The following JAM2 variants were observed in gnomAD, a reference collection of about 807,000 sequenced individuals.
JAM2 encodes junctional adhesion molecule B.
Under a neutral mutation model 42.0 loss-of-function variants are expected in JAM2, and 17 were observed. The observed-to-expected ratio is 0.40, with a 90% CI of 0.28 to 0.61. JAM2 has a LOEUF of 0.61. JAM2 is among the 20% of genes least tolerant of loss of function. JAM2 has a pLI of 0.37. For synonymous variants in JAM2, 118 were observed against 128.6 expected (o/e 0.92, Z 0.56); for missense variants, 319 against 358.3 (o/e 0.89, Z 0.89).
chr21:25,655,350 ATTTTT>A (rs751257378), intron 1 of JAM2, among the ~76,000 whole-genome samples: 5 of 100,202 alleles, frequency 5.0e-5, no homozygotes, highest in South Asian at 3.5e-4. Context: ...CTGAAATTCT[ATTTTT>A]TTTTTTTTTT....
chr21:25,667,128 G>A (rs893208291), intron 1 of JAM2, among the ~76,000 whole-genome samples: 3 of 152,138 alleles, frequency 2.0e-5, no homozygotes, highest in Non-Finnish European at 2.9e-5. Flanking sequence ...AACCACAGTC[G>A]AAAAATACTA....
chr21:25,687,362 T>C (rs1336373607), intron 2 of JAM2, among the ~76,000 whole-genome samples: 1 of 152,212 alleles, frequency 6.6e-6, no homozygotes, highest in Admixed American at 6.5e-5. Flanking sequence ...TCTCCCAATA[T>C]CACATACGGA....
chr21:25,640,014 ACCTTGCG>A, intron 1 of JAM2, 126 bp downstream of exon 1: 2 of 601,682 alleles, frequency 3.3e-6, no homozygotes, highest in Non-Finnish European at 5.4e-6. Flanking sequence ...GGGGCGTCTG[ACCTTGCG>A]CCCAGGCGAG....
intron 1 of JAM2, among the ~76,000 whole-genome samples, chr21:25,661,181 G>A (rs914544259): frequency 2.0e-5 from 3 of 152,122 alleles, no homozygotes; most frequent in East Asian, 1.9e-4. Context: ...CACCAGGCAT[G>A]GTGGCTAATG....
chr21:25,656,236 T>G (rs2032936285), intron 1 of JAM2, among the ~76,000 whole-genome samples: 1 of 152,228 alleles, frequency 6.6e-6, no homozygotes. Context: ...TGTCTTGCAT[T>G]TGTTTAGTGG....
rs60008405 is a variant in JAM2, at chr21:25,680,768, CTGGATGGA to C, written c.68-3096_68-3089del. ...GGTAGTTTAGTCAGAAAAGCAGTTT[CTGGATGGA>C]TGGATGGATGGATGGATGACGATCG... On this transcript the variant is annotated intron_variant, in intron 1 of 9. Coordinates refer to ENST00000480456, the MANE Select transcript of JAM2 (RefSeq NM_021219.4). 5.5e-4 allele frequency among the ~76,000 whole-genome samples: 84 copies of C among 151,824 alleles called. 1 individual carries two copies. In the South Asian group the frequency reaches 0.014, roughly 26 times the overall value.
intron 1 of JAM2, among the ~76,000 whole-genome samples, chr21:25,683,462 T>A (rs2033682548): frequency 6.6e-6 from 1 of 152,214 alleles, no homozygotes; most frequent in African/African-American, 2.4e-5. Flanking sequence ...CTATATGACA[T>A]GGGTATTGTC....
intron 1 of JAM2, among the ~76,000 whole-genome samples, chr21:25,641,471 A>C (rs1185903371): frequency 6.6e-6 from 1 of 152,128 alleles, no homozygotes; most frequent in Non-Finnish European, 1.5e-5. Flanking sequence ...AATATAACAC[A>C]TTGTCTCTGC....
At chr21:25,660,778 ATATATTTTTTTTTTT>A (rs1343282031) in intron 1 of JAM2, among the ~76,000 whole-genome samples, 1 of 60,282 alleles carries the variant, frequency 1.7e-5, no homozygotes, top group African/African-American at 9.6e-5. Context: ...ATATATATAT[ATATATTTTTTTTTTT>A]TTTTTTTTTT....
intron 7 of JAM2, among the ~76,000 whole-genome samples, chr21:25,708,826 T>C (rs1601067241): frequency 6.6e-6 from 1 of 152,306 alleles, no homozygotes; most frequent in Middle Eastern, 3.4e-3. Context: ...AAAAGTTGAC[T>C]TGAATATTAG....
At chr21:25,645,830 A>T (rs1442956363) in intron 1 of JAM2, among the ~76,000 whole-genome samples, 2 of 152,230 alleles carry the variant, frequency 1.3e-5, no homozygotes, top group Non-Finnish European at 2.9e-5. Context: ...TGTACTGGAT[A>T]CTGTAGGCAA....
chr21:25,664,211 CTTTA>C (rs761248419), intron 1 of JAM2, among the ~76,000 whole-genome samples: 3 of 152,004 alleles, frequency 2.0e-5, no homozygotes, highest in East Asian at 1.9e-4. Context: ...CCATGGCTTG[CTTTA>C]TTTATTTATT....
chr21:25,658,286 A>T (rs1447329591), intron 1 of JAM2, among the ~76,000 whole-genome samples: 1 of 152,196 alleles, frequency 6.6e-6, no homozygotes, highest in African/African-American at 2.4e-5. Flanking sequence ...TTGTAGAACC[A>T]GAGAAATCAT....
At chr21:25,683,307 C>T (rs753433697) in intron 1 of JAM2, among the ~76,000 whole-genome samples, 12 of 151,898 alleles carry the variant, frequency 7.9e-5, no homozygotes, top group African/African-American at 2.2e-4. Flanking sequence ...GTCTATAGAC[C>T]GGCTCTCAAA....
chr21:25,693,748 T>C lies in JAM2; in HGVS notation c.242-8T>C. Reference sequence around the variant, plus strand: ...ATTACTAACATCAATGTCTTCTTTTTCTAAAAGGTGATTTTAAAAATCGAG... The same window carrying C: ...ATTACTAACATCAATGTCTTCTTTTCCTAAAAGGTGATTTTAAAAATCGAG... On this transcript the variant is annotated splice_polypyrimidine_tract_variant and splice_region_variant and intron_variant, in intron 3 of 9. Coordinates refer to ENST00000480456, the MANE Select transcript of JAM2 (RefSeq NM_021219.4). 1 of 1,611,440 alleles carries C rather than the reference T, an allele frequency of 6.2e-7. No individual in the cohort carries two copies. Among genetic ancestry groups the C allele is most frequent in the Admixed American group, 1.7e-5 (1 of 59,974 alleles).
chr21:25,659,600 G>C (rs759643841), intron 1 of JAM2, among the ~76,000 whole-genome samples: 1 of 152,094 alleles, frequency 6.6e-6, no homozygotes, highest in Non-Finnish European at 1.5e-5. Flanking sequence ...GGCACTTATA[G>C]TTTAATTAAT....
chr21:25,690,242 G>T (rs2033847592), intron 3 of JAM2, among the ~76,000 whole-genome samples: 1 of 152,138 alleles, frequency 6.6e-6, no homozygotes, highest in Non-Finnish European at 1.5e-5. Context: ...TGGCTCAGTA[G>T]ATTAAACTCC....
intron 1 of JAM2, among the ~76,000 whole-genome samples, chr21:25,640,835 G>T (rs4817047): frequency 0.45 from 63,121 of 140,074 alleles, 16,935 homozygotes; most frequent in Non-Finnish European, 0.62. Context: ...CTTTCTTTCT[G>T]TCTCTCTTTC....
chr21:25,653,656 A>C (rs1225613970), intron 1 of JAM2, among the ~76,000 whole-genome samples: 1 of 152,188 alleles, frequency 6.6e-6, no homozygotes, highest in Non-Finnish European at 1.5e-5. Flanking sequence ...TGAGAACAGC[A>C]TGAGAGAAAC....
Sources: gnomAD v4.1 joint callset for allele counts (sites outside exome capture counted in the v4.1 genomes callset) on GRCh38, gnomAD v4.1.1 for gene constraint, MANE v1.5 for transcripts, NCBI Gene and HGNC (gene_info 2026-07-23, HGNC 2026-07-21) for gene names.